TUSC3: variants seen among roughly 807,000 people sequenced by gnomAD.
TUSC3 encodes the protein dolichyl-diphosphooligosaccharide--protein glycosyltransferase subunit TUSC3.
TUSC3 carries 45 observed loss-of-function variants against 44.8 expected under a neutral mutation model. The ratio of observed to expected loss-of-function variants is 1.00; its 90% CI spans 0.79 to 1.29. TUSC3 has a LOEUF of 1.29. Among genes scored for constraint, TUSC3 ranks in the 50% most tolerant of loss-of-function variants. TUSC3 has a pLI of 0.00. For missense variants in TUSC3, 519 were observed against 437.9 expected, an observed-to-expected ratio of 1.19 and a Z score of -1.65; for synonymous variants, 212 against 152.9, an observed-to-expected ratio of 1.39 and a Z score of -2.85.
intron 2 of TUSC3, among the ~76,000 whole-genome samples, chr8:15,496,654 G>C (rs1316627108): frequency 6.6e-6 from 1 of 152,140 alleles, no homozygotes; most frequent in Non-Finnish European, 1.5e-5. Flanking sequence ...GTGGGGAGTA[G>C]GAACAGACCC....
chr8:15,521,834 A>G lies in TUSC3; in HGVS notation n.189+38351A>G, dbSNP rs201219444. 1.1e-4 allele frequency among the ~76,000 whole-genome samples: 16 copies of G among 152,310 alleles called. No individual in the cohort carries two copies. In the East Asian group the frequency reaches 2.7e-3, roughly 26 times the overall value. On this transcript the variant is annotated intron_variant and non_coding_transcript_variant, in intron 2 of 5. Coordinates refer to the TUSC3 transcript ENST00000503191. ...TCACTATTGGTCAAGGGTAGACCCA[A>G]GGCCTTAACTGCTCTGCTCTTTAAG...
chr8:15,661,858 A>G (rs1243198394), intron 4 of TUSC3, among the ~76,000 whole-genome samples: 1 of 151,966 alleles, frequency 6.6e-6, no homozygotes, highest in African/African-American at 2.4e-5. Flanking sequence ...CCCAATTCAA[A>G]ATGGGCAAAG....
intron 2 of TUSC3, among the ~76,000 whole-genome samples, chr8:15,522,954 A>C (rs1019746598): frequency 6.6e-6 from 1 of 152,152 alleles, no homozygotes; most frequent in African/African-American, 2.4e-5. Context: ...AAAAGGGAGA[A>C]ATTGAAAACC....
At chr8:15,424,762 C>T (rs1331778871) in intron 1 of TUSC3, among the ~76,000 whole-genome samples, 1 of 152,038 alleles carries the variant, frequency 6.6e-6, no homozygotes, top group Non-Finnish European at 1.5e-5. Context: ...TGCCTGTGGG[C>T]CCGGCTACTT....
At chr8:15,767,969 G>C (rs139292708), downstream of TUSC3, among the ~76,000 whole-genome samples, 57 of 152,116 alleles carry the variant, frequency 3.7e-4, no homozygotes, top group Non-Finnish European at 5.9e-4. Context: ...ACATACCCAG[G>C]GCAGGATCCA....
chr8:15,515,585 C>T (rs1446996280), intron 2 of TUSC3, among the ~76,000 whole-genome samples: 1 of 152,032 alleles, frequency 6.6e-6, no homozygotes, highest in Non-Finnish European at 1.5e-5. Context: ...AGCAAAATAT[C>T]ATTGGAGTTT....
At chr8:15,611,175 C>A (rs1305593749) in intron 1 of TUSC3, among the ~76,000 whole-genome samples, 1 of 152,000 alleles carries the variant, frequency 6.6e-6, no homozygotes, top group Non-Finnish European at 1.5e-5. Flanking sequence ...TTTCAAAGAA[C>A]TTTTTTGTTG....
chr8:15,816,265 G>C, the TUSC3 span, among the ~76,000 whole-genome samples: 2 of 152,138 alleles, frequency 1.3e-5, no homozygotes. Context: ...GGTTTGCAGA[G>C]GGGATAGTGG....
At chr8:15,622,207 G>A (rs11785241) in intron 1 of TUSC3, among the ~76,000 whole-genome samples, 1 of 151,870 alleles carries the variant, frequency 6.6e-6, no homozygotes, top group African/African-American at 2.4e-5. Context: ...TCTTTGTCTT[G>A]TAGGAATACA....
At chr8:15,455,743 C>T (rs1352605546) in intron 1 of TUSC3, among the ~76,000 whole-genome samples, 1 of 152,114 alleles carries the variant, frequency 6.6e-6, no homozygotes, top group Non-Finnish European at 1.5e-5. Context: ...TTCAAGCTGC[C>T]CTTAATTATT....
At chr8:15,467,622 T>G (rs1346074908) in intron 1 of TUSC3, among the ~76,000 whole-genome samples, 1 of 152,154 alleles carries the variant, frequency 6.6e-6, no homozygotes, top group Non-Finnish European at 1.5e-5. Context: ...AAACACTGAT[T>G]TGGTTTCTAT....
chr8:15,703,982 G>C (rs569165384), intron 6 of TUSC3, among the ~76,000 whole-genome samples: 1 of 152,160 alleles, frequency 6.6e-6, no homozygotes, highest in African/African-American at 2.4e-5. Flanking sequence ...GAACAAAATA[G>C]ATAAAGCTTA....
At chr8:15,808,809 C>T in the TUSC3 span, among the ~76,000 whole-genome samples, 1 of 152,054 alleles carries the variant, frequency 6.6e-6, no homozygotes, top group Non-Finnish European at 1.5e-5. Flanking sequence ...ACCTGGATTG[C>T]TAATTGTGCT....
At chr8:15,475,735 C>T (rs1800566433) in intron 1 of TUSC3, among the ~76,000 whole-genome samples, 1 of 152,094 alleles carries the variant, frequency 6.6e-6, no homozygotes, top group Non-Finnish European at 1.5e-5. Context: ...TTAAATTGTA[C>T]ACATTAACAT....
Position 15,765,668 on chromosome 8 carries a change from C to T in TUSC3, c.*1512C>T, listed in dbSNP as rs187632992. On this transcript the variant is annotated 3_prime_UTR_variant, in exon 11 of 11. Transcript: ENST00000503731. ...TAAGTTTATAATCATACTCCCAAAT[C>T]TGTTACTAAAAATAACATAAATTCT... The T allele has an allele frequency of 1.3e-5, 2 of 152,114 alleles. No homozygotes were observed. The highest frequency in any genetic ancestry group is 3.9e-4 in the East Asian group (2 of 5,176). 9.4% of individuals were successfully genotyped at this position (152,114 alleles called of 1,614,324 possible). A position where few individuals can be genotyped will look rare whatever the true frequency, so the allele number is the denominator to read the frequency against.
In TUSC3 at chr8:15,531,685, A is replaced by G. The variant is rs77064717; in HGVS notation, n.189+48202A>G. 4.6e-3 allele frequency among the ~76,000 whole-genome samples: 701 copies of G among 152,308 alleles called. 6 individuals are homozygous for G. In the East Asian group the frequency reaches 0.06, roughly 13 times the overall value. On this transcript the variant is annotated intron_variant and non_coding_transcript_variant, in intron 2 of 5. Transcript: ENST00000503191. ...AGAATTGAAGTTGTTGCAGACCTGT[A>G]TGAATTTGCCACAGGTAACTCAGAT...
intron 1 of TUSC3, among the ~76,000 whole-genome samples, chr8:15,465,374 G>T (rs1438609218): frequency 1.3e-5 from 2 of 152,110 alleles, no homozygotes; most frequent in East Asian, 3.9e-4. Flanking sequence ...GGTTAAAAAA[G>T]ATTTTGAACC....
At chr8:15,581,595 C>A (rs1304084567) in intron 1 of TUSC3, among the ~76,000 whole-genome samples, 11 of 149,394 alleles carry the variant, frequency 7.4e-5, no homozygotes, top group African/African-American at 2.8e-4. Context: ...TGTCAGTGTG[C>A]CCCTGCTGCG....
intron 2 of TUSC3, among the ~76,000 whole-genome samples, chr8:15,526,756 C>G (rs900548198): frequency 2.6e-5 from 4 of 152,110 alleles, no homozygotes; most frequent in African/African-American, 9.7e-5. Context: ...TGATAACAGA[C>G]TAATACAGAG....
Sources: gnomAD v4.1 joint callset for allele counts (sites outside exome capture counted in the v4.1 genomes callset) on GRCh38, gnomAD v4.1.1 for gene constraint, MANE v1.5 for transcripts, NCBI Gene and HGNC (gene_info 2026-07-23, HGNC 2026-07-21) for gene names.